PADI4: variants seen among roughly 807,000 people sequenced by gnomAD.
PADI4 encodes protein-arginine deiminase type-4.
Under a neutral mutation model 75.0 loss-of-function variants are expected in PADI4, and 62 were observed. That is an observed-to-expected ratio of 0.83 (90% CI 0.67 to 1.02). The LOEUF (loss-of-function observed/expected upper bound fraction) is 1.02. Ranked by LOEUF, PADI4 falls within the 50% of genes least tolerant of loss-of-function variation. The pLI, the probability that PADI4 is intolerant of heterozygous loss-of-function variation, is 0.00. For synonymous variants in PADI4, 361 were observed against 348.1 expected (o/e 1.04, Z -0.41); for missense variants, 845 against 850.5 (o/e 0.99, Z 0.08).
intron 1 of PADI4, among the ~76,000 whole-genome samples, chr1:17,323,086 A>G (rs1451944751): frequency 6.6e-6 from 1 of 152,124 alleles, no homozygotes; most frequent in Non-Finnish European, 1.5e-5. Context: ...TTCCAAGCCC[A>G]CTCATATGGC....
At position 17,336,094 on chromosome 1, in the gene PADI4, G is replaced by A. The variant is rs2074304063; in HGVS notation, c.341-65G>A. ...CTGGGGAAACGACCTGCCCATTCAG[G>A]GCCAGGCTGGGTGCCCCAACCCCGG... On this transcript the variant is annotated intron_variant, in intron 3 of 15. Coordinates refer to ENST00000375448, the MANE Select transcript of PADI4 (RefSeq NM_012387.3). 3.6e-6 allele frequency: 4 copies of A among 1,122,894 alleles called. No individual in the cohort carries two copies. The South Asian group carries it at 5.0e-5, about 14-fold the overall frequency. The allele number at this position is 1,122,894 out of a possible 1,614,324, so 69.6% of individuals were successfully genotyped here.
Position 17,363,640 on chromosome 1 carries a change from A to C in PADI4, c.1877A>C (p.Gln626Pro). ...TCCCTGCTGGAGCCACTGGGCCTCC[A>C]GTGCACCTTCATCAACGACTTCTTC... is the stretch of plus-strand genomic sequence containing the variant. The part of the protein sequence containing the change: ...VCSLLEPLGL[Q>P]CTFINDFFTY... Residue 626 changes from glutamine to proline, a missense_variant, in exon 16 of 16, where the codon CAG (glutamine) becomes CCG (proline). Transcript: ENST00000375448. The C allele has an allele frequency of 6.2e-7, 1 of 1,614,162 alleles. No homozygotes were observed. The highest frequency in any genetic ancestry group is 8.5e-7 in the Non-Finnish European group (1 of 1,179,982).
At chr1:17,338,199 C>G (rs770900755) in intron 5 of PADI4, 44 bp downstream of exon 5, 1 of 1,261,990 alleles carries the variant, frequency 7.9e-7, no homozygotes, top group Non-Finnish European at 1.2e-6. Context: ...TTTTATAAAG[C>G]CCTTTTGCCC....
At position 17,346,944 on chromosome 1, in the gene PADI4, A is replaced by C. The variant is rs1570066735; in HGVS notation, c.1047+805A>C. On this transcript the variant is annotated intron_variant, in intron 9 of 15. Coordinates refer to ENST00000375448, the MANE Select transcript of PADI4 (RefSeq NM_012387.3). The surrounding 1 kb of genome is among the most constrained non-coding windows in gnomAD (Gnocchi z 4.3). ...TCCTTTCTTCCTTTCTTGCCATTCCATCTTTTCTTTTCTTTTTTTTTTCAC... is the reference window on the plus strand; with the variant it reads ...TCCTTTCTTCCTTTCTTGCCATTCCCTCTTTTCTTTTCTTTTTTTTTTCAC... 1.4e-5 allele frequency among the ~76,000 whole-genome samples: 2 copies of C among 146,610 alleles called. No individual in the cohort carries two copies.
At chr1:17,341,836 G>A (rs987668786) in intron 6 of PADI4, 107 bp from the exon 7 acceptor site, 2 of 771,140 alleles carry the variant, frequency 2.6e-6, no homozygotes, top group Admixed American at 2.6e-5. Context: ...TTCTCTGATG[G>A]TGCCATGTGG....
intron 1 of PADI4, among the ~76,000 whole-genome samples, chr1:17,323,617 T>G (rs372922006): frequency 7.9e-5 from 12 of 152,226 alleles, no homozygotes; most frequent in African/African-American, 2.9e-4. Context: ...GCAGATCACT[T>G]AAGTCTAGGG....
rs1352971048 is a variant in PADI4, at chr1:17,354,684, C to T, written c.1307C>T (p.Pro436Leu). The change falls in exon 11 of 16, where the codon CCC becomes CTC. Residue 436 changes from proline (P) to leucine (L), a missense_variant. Pro to Leu is a moderately conservative substitution (Grantham distance 98). Coordinates refer to ENST00000375448, the MANE Select transcript of PADI4 (RefSeq NM_012387.3). ...ATTCTCTTCGGGGACAGCTGTTATC[C>T]CAGGTAAGGAGGGGAGTAACAGGAA... is the stretch of plus-strand genomic sequence containing the variant. ...GRILFGDSCYPSNDSRQMHQA... is the reference protein window; with the variant it reads ...GRILFGDSCYLSNDSRQMHQA... 6.2e-7 allele frequency: 1 copy of T among 1,601,610 alleles called. No individual in the cohort carries two copies. Among genetic ancestry groups the T allele is most frequent in the African/African-American group, 1.3e-5 (1 of 74,688 alleles).
Position 17,308,275 on chromosome 1 carries a change from T to C in PADI4, c.53T>C (p.Val18Ala), listed in dbSNP as rs894020390. ...RVTPEQPTHA[V>A]CVLGTLTQLD... ...ACCCCAGAGCAGCCCACCCATGCCG[T>C]GTGTGTGCTGGGCACCTTGACTCAG... Residue 18 changes from valine (V) to alanine (A), a missense_variant, in exon 1 of 16, where the codon GTG (valine) becomes GCG (alanine). Val to Ala is a moderately conservative substitution (Grantham distance 64). Transcript: ENST00000375448. 3 of 1,613,934 alleles carry C rather than the reference T, an allele frequency of 1.9e-6. No homozygotes were observed. Among genetic ancestry groups the C allele is most frequent in the Non-Finnish European group, 2.5e-6 (3 of 1,179,996 alleles).
chr1:17,362,484 A>G (rs1267230651), intron 15 of PADI4, among the ~76,000 whole-genome samples: 2 of 152,186 alleles, frequency 1.3e-5, no homozygotes, highest in Non-Finnish European at 2.9e-5. Context: ...GAAGCTAAAC[A>G]GTGGATACAC....
At chr1:17,329,384 A>T (rs374902419) in intron 1 of PADI4, among the ~76,000 whole-genome samples, 1 of 152,290 alleles carries the variant, frequency 6.6e-6, no homozygotes, top group African/African-American at 2.4e-5. Flanking sequence ...TTAACTACTA[A>T]TAGACTACTG....
chr1:17,362,205 C>A (rs918549522), intron 15 of PADI4, among the ~76,000 whole-genome samples: 1 of 152,004 alleles, frequency 6.6e-6, no homozygotes, highest in African/African-American at 2.4e-5. Flanking sequence ...TGGAGAAACT[C>A]TGTCTCTACA....
Position 17,338,081 on chromosome 1 carries a change from TG to T in PADI4, c.454del (p.Val152Ter). 6.2e-7 allele frequency: 1 copy of T among 1,613,832 alleles called. No homozygotes were observed. Among genetic ancestry groups the T allele is most frequent in the South Asian group, 1.1e-5 (1 of 91,080 alleles). On this transcript the variant is annotated frameshift_variant, in exon 5 of 16. Transcript: ENST00000375448. LOFTEE classifies it high-confidence loss of function. ...WGPCGQGAILLVNCDRDNLES... is the reference protein window; with the variant it reads ...WGPCGQGAILXVNCDRDNLES... ...CCTTGTGGACAGGGTGCCATCCTGC[TG>T]GTGAACTGTGACAGAGACAATCTCG...
At chr1:17,322,906 C>T (rs945473699) in intron 1 of PADI4, among the ~76,000 whole-genome samples, 3 of 152,012 alleles carry the variant, frequency 2.0e-5, no homozygotes, top group African/African-American at 7.3e-5. Context: ...TACTGTGTAA[C>T]AAATTGTCCC....
At position 17,363,518 on chromosome 1, in the gene PADI4, G is replaced by A. The variant is rs1414586033; in HGVS notation, c.1759-4G>A. On this transcript the variant is annotated splice_region_variant and splice_polypyrimidine_tract_variant and intron_variant, in intron 15 of 15. Transcript: ENST00000375448. ...CTGTGACCTGAACCCTCACTTCCCT[G>A]CAGGTGAACATGCTGGTGCTAGGGA... 3 of 1,606,228 alleles carry A rather than the reference G, an allele frequency of 1.9e-6. No homozygotes were observed. The highest frequency in any genetic ancestry group is 2.6e-6 in the Non-Finnish European group (3 of 1,173,642).
chr1:17,327,310 A>G (rs1299141603), intron 1 of PADI4, among the ~76,000 whole-genome samples: 3 of 152,096 alleles, frequency 2.0e-5, no homozygotes, highest in Non-Finnish European at 2.9e-5. Context: ...TATTGATACC[A>G]ATGTGTTTTG....
In PADI4 at chr1:17,336,078, C is replaced by A; in HGVS notation, c.341-81C>A. 5 of 915,526 alleles carry A rather than the reference C, an allele frequency of 5.5e-6. No homozygotes were observed. In the East Asian group the frequency reaches 9.8e-5, roughly 18 times the overall value. The allele number at this position is 915,526 out of a possible 1,614,324, so 56.7% of individuals were successfully genotyped here. On this transcript the variant is annotated intron_variant, in intron 3 of 15. Coordinates refer to ENST00000375448, the MANE Select transcript of PADI4 (RefSeq NM_012387.3). ...GGGTGCACACAGTCCCCTGGGGAAA[C>A]GACCTGCCCATTCAGGGCCAGGCTG...
In PADI4 at chr1:17,356,178, C is replaced by A. The variant is rs778101967; in HGVS notation, c.1455+51C>A. On this transcript the variant is annotated intron_variant, in intron 12 of 15. Coordinates refer to ENST00000375448, the MANE Select transcript of PADI4 (RefSeq NM_012387.3). The surrounding 1 kb of genome is among the most constrained non-coding windows in gnomAD (Gnocchi z 4.1). ...AAGCCATGCCTCCTTCCTGGGTAGA[C>A]CCTCTGCCTGGGGTGGGAGCAACTT... is the stretch of plus-strand genomic sequence containing the variant. 27 of 1,584,988 alleles carry A rather than the reference C, an allele frequency of 1.7e-5. No individual in the cohort carries two copies. Among genetic ancestry groups the A allele is most frequent in the Non-Finnish European group, 2.3e-5 (27 of 1,158,878 alleles).
chr1:17,311,661 A>G (rs1441098490), intron 1 of PADI4, among the ~76,000 whole-genome samples: 1 of 151,946 alleles, frequency 6.6e-6, no homozygotes, highest in Non-Finnish European at 1.5e-5. Context: ...AGTAGCTGGG[A>G]CTACAGGCGC....
chr1:17,356,498 T>G lies in PADI4; in HGVS notation c.1558+39T>G. 1 of 1,201,044 alleles carries G rather than the reference T, an allele frequency of 8.3e-7. No individual in the cohort carries two copies. The highest frequency in any genetic ancestry group is 1.2e-6 in the Non-Finnish European group (1 of 814,418). 74.4% of individuals were successfully genotyped at this position (1,201,044 alleles called of 1,614,324 possible). A position where few individuals can be genotyped will look rare whatever the true frequency, so the allele number is the denominator to read the frequency against. ...GCCTTGTTCTCCTGTCTGTGCACCTTCCTGCTTCCCATAGTCCGCTGTTGC... is the reference window on the plus strand; with the variant it reads ...GCCTTGTTCTCCTGTCTGTGCACCTGCCTGCTTCCCATAGTCCGCTGTTGC... On this transcript the variant is annotated intron_variant, in intron 13 of 15. Transcript: ENST00000375448. This position sits in a 1 kb window ranked among gnomAD's most constrained non-coding sequence, Gnocchi z 4.1.
Sources: allele counts gnomAD v4.1 joint callset (sites outside exome capture counted in the v4.1 genomes callset), GRCh38; gene constraint gnomAD v4.1.1; non-coding constraint Gnocchi (gnomAD v3.1); transcripts MANE v1.5; gene names NCBI Gene and HGNC (gene_info 2026-07-23, HGNC 2026-07-21).